KIRREL3: variants seen among roughly 807,000 people sequenced by gnomAD.
The protein encoded by KIRREL3 is kirre like nephrin family adhesion molecule 3.
Under a neutral mutation model 89.7 loss-of-function variants are expected in KIRREL3, and 36 were observed. That is an observed-to-expected ratio of 0.40 (90% CI 0.31 to 0.53). The LOEUF is 0.53. Among genes scored for constraint, KIRREL3 ranks in the 20% least tolerant of loss-of-function variants. KIRREL3 has a pLI of 0.49. For missense variants in KIRREL3, 864 were observed against 1,056.6 expected (o/e 0.82, Z 2.53); for synonymous variants, 445 against 441.4 (o/e 1.01, Z -0.10).
intron 10 of KIRREL3, 156 bp from the exon 11 acceptor site, chr11:126,440,705 CAG>C (rs1247549569): frequency 1.0e-5 from 7 of 702,814 alleles, no homozygotes; most frequent in African/African-American, 1.8e-5. Flanking sequence ...GTAGAGGACT[CAG>C]AGATAAATTA....
intron 10 of KIRREL3, among the ~76,000 whole-genome samples, chr11:126,444,009 G>A (rs780783726): frequency 1.3e-5 from 2 of 152,170 alleles, no homozygotes; most frequent in African/African-American, 4.8e-5. Context: ...GGGCAGGGAC[G>A]TCCGCATTTG....
rs200635308 is a variant in KIRREL3 at position 126,446,840 on chromosome 11, C to T, written c.1044G>A (p.Leu348=). The T allele has an allele frequency of 6.2e-7, 1 of 1,603,234 alleles. No homozygotes were observed. The highest frequency in any genetic ancestry group is 8.5e-7 in the Non-Finnish European group (1 of 1,175,084). Residue 348 remains leucine (L), a synonymous_variant, in exon 9 of 17, where the codon CTG becomes CTA. Coordinates refer to ENST00000525144, the MANE Select transcript of KIRREL3 (RefSeq NM_032531.4). ...TTEPQSLLVD[L]GSDAIFSCAW... is the part of the protein sequence containing the mutation. Reference sequence around the variant, plus strand: ...CGCAGCTGAAGATGGCATCAGAGCCCAGATCCACGAGCAAGGATTGGGGTT... The same window carrying T: ...CGCAGCTGAAGATGGCATCAGAGCCTAGATCCACGAGCAAGGATTGGGGTT...
At chr11:126,514,869 A>AACACAACACAACAC (rs1565514715) in intron 4 of KIRREL3, among the ~76,000 whole-genome samples, 3 of 76,624 alleles carry the variant, frequency 3.9e-5, no homozygotes, top group Non-Finnish European at 5.6e-5. Context: ...CAACACAACA[A>AACACAACACAACAC]AACACAATTG....
rs1267507563 is a variant in KIRREL3 at position 126,615,833 on chromosome 11, G to C, written c.56-52921C>G. 6.6e-6 allele frequency among the ~76,000 whole-genome samples: 1 copy of C among 152,200 alleles called. No homozygotes were observed. Among genetic ancestry groups the C allele is most frequent in the East Asian group, 1.9e-4 (1 of 5,194 alleles). On this transcript the variant is annotated intron_variant, in intron 1 of 16. Transcript: ENST00000525144. This position sits in a 1 kb window ranked among gnomAD's most constrained non-coding sequence, Gnocchi z 5.4. ...CTCTCAGCAGTTATGGTCTTTTCCA[G>C]GTAATAAGTATTGCGGCCTCCTCTG...
At chr11:126,800,444 G>C (rs1950995661) in intron 1 of KIRREL3, among the ~76,000 whole-genome samples, 1 of 152,174 alleles carries the variant, frequency 6.6e-6, no homozygotes, top group African/African-American at 2.4e-5. Context: ...GGTCTCATTA[G>C]GGCATTAGCA....
chr11:126,514,282 C>T (rs965908462), intron 4 of KIRREL3, among the ~76,000 whole-genome samples: 4 of 152,136 alleles, frequency 2.6e-5, no homozygotes, highest in African/African-American at 7.2e-5. Context: ...TTGCAGGAAA[C>T]AGCCACATAG....
At chr11:126,448,176 G>A (rs1415548469) in intron 8 of KIRREL3, among the ~76,000 whole-genome samples, 2 of 151,600 alleles carry the variant, frequency 1.3e-5, no homozygotes, top group East Asian at 1.9e-4. Context: ...CCAGCTACTC[G>A]GGAGGCTGAG....
In KIRREL3 at chr11:126,561,460, A is replaced by G. The variant is rs1163123127; in HGVS notation, c.133+1375T>C. Among the ~76,000 whole-genome samples the G allele has an allele frequency of 2.0e-5, 3 of 152,220 alleles. No individual in the cohort carries two copies. Among genetic ancestry groups the G allele is most frequent in the Non-Finnish European group, 2.9e-5 (2 of 68,044 alleles). On this transcript the variant is annotated intron_variant, in intron 2 of 16. Transcript: ENST00000525144. This position sits in a 1 kb window ranked among gnomAD's most constrained non-coding sequence, Gnocchi z 4.5. ...GCTTCTCTAATGAGCATCGCCAGCA[A>G]GAGAACATGTCTATTCAGCACCACG...
rs530057710 is a variant in KIRREL3 at position 126,954,137 on chromosome 11, G to A, written c.55+46318C>T. The stretch of plus-strand genomic sequence containing the variant: ...GTGGTTTCTTGAGATTTCCAAATGA[G>A]TGAGGTGGGGGGTGGTATTGAGGTA... On this transcript the variant is annotated intron_variant, in intron 1 of 16. Coordinates refer to ENST00000525144, the MANE Select transcript of KIRREL3 (RefSeq NM_032531.4). The surrounding 1 kb of genome is among the most constrained non-coding windows in gnomAD (Gnocchi z 4.1). 1.1e-4 allele frequency among the ~76,000 whole-genome samples: 17 copies of A among 152,104 alleles called. No homozygotes were observed. The highest frequency in any genetic ancestry group is 2.2e-4 in the Non-Finnish European group (15 of 67,998).
Position 126,429,225 on chromosome 11 carries a change from G to C in KIRREL3, c.1760C>G (p.Ala587Gly). 6.2e-7 allele frequency: 1 copy of C among 1,613,916 alleles called. No homozygotes were observed. Among genetic ancestry groups the C allele is most frequent in the Non-Finnish European group, 8.5e-7 (1 of 1,179,800 alleles). Residue 587 changes from alanine to glycine, a missense_variant, in exon 15 of 17, where the codon GCC (alanine) becomes GGC (glycine). By Grantham distance (60) the Ala-to-Gly change is moderately conservative. Coordinates refer to ENST00000525144, the MANE Select transcript of KIRREL3 (RefSeq NM_032531.4). The surrounding 1 kb of genome is among the most constrained non-coding windows in gnomAD (Gnocchi z 5.2). ...IRVEIVHKEP[A>G]SGREGEEHST... ...GTGCTCCTCACCCTCCCGACCAGAG[G>C]CTGGTTCCTTGTGGACAATTTCCAC...
chr11:126,893,513 T>C (rs1310719510), intron 1 of KIRREL3, among the ~76,000 whole-genome samples: 1 of 152,254 alleles, frequency 6.6e-6, no homozygotes, highest in Non-Finnish European at 1.5e-5. Flanking sequence ...TTACTTAATT[T>C]GTTGCCGAGC....
At chr11:126,813,243 A>C (rs1951447774) in intron 1 of KIRREL3, among the ~76,000 whole-genome samples, 1 of 152,200 alleles carries the variant, frequency 6.6e-6, no homozygotes. Context: ...AGGCATTTGC[A>C]GTCTTGTTTT....
At chr11:126,692,031 A>G (rs1946895676) in intron 1 of KIRREL3, among the ~76,000 whole-genome samples, 1 of 152,210 alleles carries the variant, frequency 6.6e-6, no homozygotes. Flanking sequence ...AAATGTCGGT[A>G]AGAGCGTGGA....
intron 1 of KIRREL3, among the ~76,000 whole-genome samples, chr11:126,591,141 G>A (rs1456228043): frequency 5.9e-5 from 9 of 152,132 alleles, no homozygotes; most frequent in African/African-American, 1.7e-4. Flanking sequence ...CAGGAGGATC[G>A]CTTGAGCCCG....
At position 126,528,671 on chromosome 11, in the gene KIRREL3, G is replaced by T. The variant is rs1161580181; in HGVS notation, c.134-1984C>A. 6.6e-6 allele frequency among the ~76,000 whole-genome samples: 1 copy of T among 151,612 alleles called. No individual in the cohort carries two copies. Among genetic ancestry groups the T allele is most frequent in the Non-Finnish European group, 1.5e-5 (1 of 67,928 alleles). ...TCCTCTCTGTCTCTTCAAGTTCTCT[G>T]TTGTAATTAGACTGTTTCTGGCACC... is the stretch of plus-strand genomic sequence containing the variant. On this transcript the variant is annotated intron_variant, in intron 2 of 16. Coordinates refer to ENST00000525144, the MANE Select transcript of KIRREL3 (RefSeq NM_032531.4). The surrounding 1 kb of genome is among the most constrained non-coding windows in gnomAD (Gnocchi z 4.6).
Position 126,689,369 on chromosome 11 carries a change from A to G in KIRREL3, c.56-126457T>C, listed in dbSNP as rs2135127026. ...CATGGAGCTGCCCAGACCCCCTGGG[A>G]GCCCAGAGTCCCCATCCTTGCATCT... On this transcript the variant is annotated intron_variant, in intron 1 of 16. Transcript: ENST00000525144. The surrounding 1 kb of genome is among the most constrained non-coding windows in gnomAD (Gnocchi z 5.2). Among the ~76,000 whole-genome samples the G allele has an allele frequency of 6.6e-6, 1 of 152,190 alleles. No individual in the cohort carries two copies. The highest frequency in any genetic ancestry group is 1.9e-4 in the East Asian group (1 of 5,202).
At chr11:126,878,635 G>GA (rs141228232) in intron 1 of KIRREL3, among the ~76,000 whole-genome samples, 4,311 of 144,898 alleles carry the variant, frequency 0.03, 129 homozygotes, top group African/African-American at 0.083. Context: ...AGGAGCAAAA[G>GA]AAAAAAAAAA....
chr11:126,861,479 CCGTTGGCTGAACCTACA>C (rs1357191453), intron 1 of KIRREL3, among the ~76,000 whole-genome samples: 2 of 152,130 alleles, frequency 1.3e-5, no homozygotes, highest in African/African-American at 2.4e-5. Context: ...ACAGTGCCTT[CCGTTGGCTGAACCTACA>C]CGGTAGCCAG....
rs1958656212 is a variant in KIRREL3 at position 126,523,422 on chromosome 11, A to T, written c.284-1958T>A. The stretch of plus-strand genomic sequence containing the variant: ...GAGGTAGCTGTGATGATCCTCTGCC[A>T]GCCTTCCTGGCATGCTCTGGAGTGC... On this transcript the variant is annotated intron_variant, in intron 3 of 16. Coordinates refer to ENST00000525144, the MANE Select transcript of KIRREL3 (RefSeq NM_032531.4). This position sits in a 1 kb window ranked among gnomAD's most constrained non-coding sequence, Gnocchi z 4.9. Among the ~76,000 whole-genome samples the T allele has an allele frequency of 6.6e-6, 1 of 152,162 alleles. No homozygotes were observed. Among genetic ancestry groups the T allele is most frequent in the Non-Finnish European group, 1.5e-5 (1 of 68,020 alleles).
Sources: allele counts gnomAD v4.1 joint callset (sites outside exome capture counted in the v4.1 genomes callset), GRCh38; gene constraint gnomAD v4.1.1; non-coding constraint Gnocchi (gnomAD v3.1); transcripts MANE v1.5; gene names NCBI Gene and HGNC (gene_info 2026-07-23, HGNC 2026-07-21).